The following AK9 variants were observed in gnomAD, a reference collection of about 807,000 sequenced individuals.
AK9 encodes the protein adenylate kinase 9, also known as adenylate kinase domain containing 1.
In AK9, 191 loss-of-function variants were observed where a neutral mutation model predicts 239.6. The observed-to-expected ratio is 0.80, with a 90% CI of 0.71 to 0.90. The LOEUF (loss-of-function observed/expected upper bound fraction) is 0.90. Among genes scored for constraint, AK9 ranks in the 40% least tolerant of loss-of-function variants. The pLI, the probability that AK9 is intolerant of heterozygous loss-of-function variation, is 0.00. For synonymous variants in AK9, 689 were observed against 721.0 expected (o/e 0.96, Z 0.71); for missense variants, 1,995 against 2,214.7 (o/e 0.90, Z 1.99).
intron 17 of AK9, among the ~76,000 whole-genome samples, chr6:109,609,953 A>C (rs951689662): frequency 6.6e-6 from 1 of 152,072 alleles, no homozygotes; most frequent in African/African-American, 2.4e-5. Context: ...CCCTATGAAC[A>C]CATGTTCAAG....
At chr6:109,592,608 G>A (rs2148089) in intron 17 of AK9, among the ~76,000 whole-genome samples, 44,916 of 151,644 alleles carry the variant, frequency 0.3, 7,106 homozygotes, top group East Asian at 0.4. Context: ...CACCTCGCCC[G>A]GCTAATTTTT....
At chr6:109,681,004 T>G (rs1260292468) in intron 1 of AK9, among the ~76,000 whole-genome samples, 1 of 152,132 alleles carries the variant, frequency 6.6e-6, no homozygotes, top group Non-Finnish European at 1.5e-5. Flanking sequence ...TACCAAATTG[T>G]AAAGAACATC....
At chr6:109,509,470 G>C in intron 32 of AK9, 90 bp from the exon 33 acceptor site, 1 of 1,168,582 alleles carries the variant, frequency 8.6e-7, no homozygotes, top group South Asian at 1.5e-5. Context: ...ATTGTGTGAT[G>C]CTCAGGTTTG....
intron 28 of AK9, among the ~76,000 whole-genome samples, chr6:109,532,399 C>T (rs1781394693): frequency 6.6e-6 from 1 of 152,210 alleles, no homozygotes; most frequent in South Asian, 2.1e-4. Flanking sequence ...CATGCTTCAT[C>T]TGGGCCATCC....
intron 21 of AK9, among the ~76,000 whole-genome samples, chr6:109,568,822 A>G (rs1055908778): frequency 1.3e-5 from 2 of 152,252 alleles, no homozygotes; most frequent in Admixed American, 1.3e-4. Context: ...CATGGATAGG[A>G]AGAATCAATA....
chr6:109,538,718 T>C (rs1212923816), intron 27 of AK9, among the ~76,000 whole-genome samples: 2 of 152,236 alleles, frequency 1.3e-5, no homozygotes, highest in Non-Finnish European at 2.9e-5. Flanking sequence ...CTTTACAATT[T>C]GGCATGTTTT....
intron 8 of AK9, among the ~76,000 whole-genome samples, chr6:109,654,235 T>C (rs559647261): frequency 3.3e-5 from 5 of 152,184 alleles, no homozygotes; most frequent in Non-Finnish European, 7.3e-5. Context: ...TTCTAGGTGT[T>C]TTCCTCTAGA....
At chr6:109,502,330 A>G (rs538771365) in intron 35 of AK9, among the ~76,000 whole-genome samples, 15 of 152,284 alleles carry the variant, frequency 9.9e-5, no homozygotes, top group Admixed American at 2.0e-4. Context: ...AATACACACA[A>G]ACAGACAGAT....
chr6:109,548,639 C>T (rs1364264177), intron 25 of AK9, among the ~76,000 whole-genome samples: 2 of 152,182 alleles, frequency 1.3e-5, no homozygotes, highest in African/African-American at 2.4e-5. Context: ...ATAGCCAAAA[C>T]ACCTAGACAT....
intron 12 of AK9, among the ~76,000 whole-genome samples, chr6:109,629,655 CAG>C (rs1795911720): frequency 6.8e-6 from 1 of 146,850 alleles, no homozygotes; most frequent in African/African-American, 2.5e-5. Flanking sequence ...TTTTTTGAGA[CAG>C]AGTCTGGCTC....
intron 8 of AK9, among the ~76,000 whole-genome samples, chr6:109,653,692 CTT>C (rs1799304673): frequency 7.0e-6 from 1 of 142,646 alleles, no homozygotes; most frequent in East Asian, 2.0e-4. Flanking sequence ...TTTTCTCTCT[CTT>C]TCTTTTTTGT....
At chr6:109,646,537 A>G (rs1384983646) in intron 8 of AK9, among the ~76,000 whole-genome samples, 3 of 150,330 alleles carry the variant, frequency 2.0e-5, no homozygotes, top group African/African-American at 7.3e-5. Context: ...AGAAGTTTAG[A>G]AAAAAAAGAG....
chr6:109,534,593 T>C (rs1052172650), intron 27 of AK9, among the ~76,000 whole-genome samples: 1 of 150,394 alleles, frequency 6.6e-6, no homozygotes, highest in Non-Finnish European at 1.5e-5. Flanking sequence ...TTGGCCATAA[T>C]ATATATATAT....
chr6:109,594,345 C>T (rs1184566379), intron 17 of AK9, among the ~76,000 whole-genome samples: 1 of 152,162 alleles, frequency 6.6e-6, no homozygotes, highest in African/African-American at 2.4e-5. Context: ...AACTACAAAG[C>T]ACTGTTCAAG....
chr6:109,531,259 G>C (rs993759264), intron 28 of AK9, among the ~76,000 whole-genome samples: 4 of 152,154 alleles, frequency 2.6e-5, no homozygotes, highest in Non-Finnish European at 5.9e-5. Context: ...GGATGGTCTG[G>C]AAGGCAGAGA....
intron 17 of AK9, among the ~76,000 whole-genome samples, chr6:109,605,795 T>C (rs1473457051): frequency 6.6e-6 from 1 of 152,170 alleles, no homozygotes; most frequent in African/African-American, 2.4e-5. Flanking sequence ...TTTGGATGAA[T>C]CGGCCACACA....
At chr6:109,678,743 G>A (rs1772144016) in intron 1 of AK9, among the ~76,000 whole-genome samples, 1 of 152,136 alleles carries the variant, frequency 6.6e-6, no homozygotes, top group Admixed American at 6.5e-5. Context: ...TTCTGCATTT[G>A]CAACTGAGGT....
At chr6:109,542,954 T>A (rs1490046501) in intron 26 of AK9, among the ~76,000 whole-genome samples, 4 of 152,174 alleles carry the variant, frequency 2.6e-5, no homozygotes, top group Non-Finnish European at 5.9e-5. Context: ...CTTTTTCAAT[T>A]TATCACACAC....
intron 27 of AK9, among the ~76,000 whole-genome samples, chr6:109,538,283 G>A (rs983793187): frequency 2.4e-4 from 36 of 152,134 alleles, no homozygotes. Flanking sequence ...ATGAATCTGG[G>A]TGCTCCTGTA....
Sources: gnomAD v4.1 joint callset for allele counts (sites outside exome capture counted in the v4.1 genomes callset) on GRCh38, gnomAD v4.1.1 for gene constraint, MANE v1.5 for transcripts, NCBI Gene and HGNC (gene_info 2026-07-23, HGNC 2026-07-21) for gene names.